Variants in CCDC88A observed in about 807,000 individuals in gnomAD.
CCDC88A encodes the protein girdin.
A neutral mutation model predicts 234.3 loss-of-function variants in CCDC88A; 54 were observed. That is an observed-to-expected ratio of 0.23 (90% CI 0.19 to 0.29). CCDC88A has a LOEUF of 0.29. Ranked by LOEUF, CCDC88A falls within the 10% of genes least tolerant of loss-of-function variation. The pLI is 1.00. For synonymous variants in CCDC88A, 753 were observed against 737.8 expected, an observed-to-expected ratio of 1.02 and a Z score of -0.33; for missense variants, 1,832 against 2,123.4, an observed-to-expected ratio of 0.86 and a Z score of 2.70.
Position 55,373,331 on chromosome 2 carries a change from CCTCT to C in CCDC88A, c.344-825_344-822del, listed in dbSNP as rs1324138053. 2.6e-5 allele frequency among the ~76,000 whole-genome samples: 4 copies of C among 152,190 alleles called. No individual in the cohort carries two copies. In the East Asian group the frequency reaches 5.8e-4, roughly 22 times the overall value. On this transcript the variant is annotated intron_variant, in intron 4 of 32. Coordinates refer to ENST00000436346, the MANE Select transcript of CCDC88A (RefSeq NM_001365480.1). Reference sequence around the variant, plus strand: ...CAACTCCTCTGCCTTAATACTACTCCCTCTGTCTGTCCTCCTTCCCCAACCTCCT... The same window carrying C: ...CAACTCCTCTGCCTTAATACTACTCCGTCTGTCCTCCTTCCCCAACCTCCT...
chr2:55,419,169 G>C lies in CCDC88A; in HGVS notation c.-90C>G, dbSNP rs1558865927. 1.3e-6 allele frequency: 1 copy of C among 795,526 alleles called. No homozygotes were observed. Among genetic ancestry groups the C allele is most frequent in the Non-Finnish European group, 2.1e-6 (1 of 471,968 alleles). The allele number at this position is 795,526 out of a possible 1,614,324, so 49.3% of individuals were successfully genotyped here. ...AACGTGGAAGTAAGTAGAAATCAAT[G>C]AAAGTCCATTTCGGCAAGGGAGAAA... On this transcript the variant is annotated 5_prime_UTR_variant, in exon 1 of 33. It introduces an in-frame stop codon into an upstream open reading frame of the 5' UTR. Coordinates refer to ENST00000436346, the MANE Select transcript of CCDC88A (RefSeq NM_001365480.1).
At chr2:55,396,666 C>G (rs983375530) in intron 2 of CCDC88A, among the ~76,000 whole-genome samples, 1 of 151,924 alleles carries the variant, frequency 6.6e-6, no homozygotes, top group African/African-American at 2.4e-5. Context: ...GTCTGGAGAT[C>G]GAGACCATCC....
Position 55,312,062 on chromosome 2 carries a change from TC to T in CCDC88A, c.4079+371del, listed in dbSNP as rs1682415678. Among the ~76,000 whole-genome samples the T allele has an allele frequency of 2.0e-5, 3 of 152,180 alleles. No individual in the cohort carries two copies. The South Asian group carries it at 6.2e-4, about 32-fold the overall frequency. On this transcript the variant is annotated intron_variant, in intron 23 of 32. Transcript: ENST00000436346. Reference sequence around the variant, plus strand: ...GGCTGGCATGCCTCCTCAAGCAAATTCCTATCGAACCTATAAATCTCCACTC... The same window carrying T: ...GGCTGGCATGCCTCCTCAAGCAAATTCTATCGAACCTATAAATCTCCACTC...
chr2:55,393,302 T>TTTTG (rs1676988729), intron 2 of CCDC88A, among the ~76,000 whole-genome samples: 1 of 134,544 alleles, frequency 7.4e-6, no homozygotes, highest in Non-Finnish European at 1.6e-5. Flanking sequence ...TTTTTTTTTT[T>TTTTG]TTTTTTTTTT....
intron 7 of CCDC88A, 72 bp downstream of exon 7, chr2:55,362,236 A>C (rs1015336167): frequency 5.8e-6 from 7 of 1,197,092 alleles, no homozygotes; most frequent in Non-Finnish European, 8.1e-6. Context: ...TCGTTTCTGA[A>C]AAGTTCCTAA....
At chr2:55,325,685 C>A (rs1247535709) in intron 17 of CCDC88A, among the ~76,000 whole-genome samples, 1 of 152,168 alleles carries the variant, frequency 6.6e-6, no homozygotes, top group Non-Finnish European at 1.5e-5. Context: ...TCTACTTATT[C>A]TCCAATTATT....
At chr2:55,295,006 A>C (rs924474802) in intron 31 of CCDC88A, 1 of 1,204,842 alleles carries the variant, frequency 8.3e-7, no homozygotes, top group Non-Finnish European at 1.1e-6. Flanking sequence ...TTTTCAAATC[A>C]TATTAGAGAA....
At chr2:55,318,164 A>C (rs987899132) in intron 19 of CCDC88A, among the ~76,000 whole-genome samples, 4 of 152,170 alleles carry the variant, frequency 2.6e-5, no homozygotes, top group African/African-American at 9.7e-5. Context: ...TAGAATTTGA[A>C]GTACTAGTTT....
chr2:55,312,263 G>T (rs778266064), intron 23 of CCDC88A, among the ~76,000 whole-genome samples, 171 bp downstream of exon 23: 1 of 152,120 alleles, frequency 6.6e-6, no homozygotes, highest in East Asian at 1.9e-4. Context: ...CAAGATGCAT[G>T]TGTTTTCATG....
intron 17 of CCDC88A, among the ~76,000 whole-genome samples, chr2:55,326,595 C>T (rs1045168681): frequency 6.6e-6 from 1 of 152,170 alleles, no homozygotes; most frequent in African/African-American, 2.4e-5. Flanking sequence ...CAGGGTCTCA[C>T]TCTGTCACCC....
At chr2:55,361,327 C>T (rs1382025142) in intron 7 of CCDC88A, among the ~76,000 whole-genome samples, 1 of 152,062 alleles carries the variant, frequency 6.6e-6, no homozygotes, top group African/African-American at 2.4e-5. Flanking sequence ...AAATTTGATG[C>T]ATAGTAGGAA....
At chr2:55,377,273 T>A (rs1235150945) in intron 3 of CCDC88A, among the ~76,000 whole-genome samples, 1 of 146,478 alleles carries the variant, frequency 6.8e-6, no homozygotes, top group African/African-American at 2.5e-5. Flanking sequence ...TCACAGCTCA[T>A]TGCAGCCTCG....
At chr2:55,382,028 T>C (rs187303083) in intron 3 of CCDC88A, among the ~76,000 whole-genome samples, 39 of 152,340 alleles carry the variant, frequency 2.6e-4, no homozygotes, top group African/African-American at 7.7e-4. Flanking sequence ...TATTTTATCA[T>C]ATTTTAGTAG....
chr2:55,411,639 C>T (rs1188794304), intron 2 of CCDC88A, among the ~76,000 whole-genome samples: 1 of 151,836 alleles, frequency 6.6e-6, no homozygotes, highest in Non-Finnish European at 1.5e-5. Flanking sequence ...CTTCACCAGG[C>T]ACGGTGGTGG....
At chr2:55,330,473 C>CA (rs1039031931) in intron 16 of CCDC88A, among the ~76,000 whole-genome samples, 164 of 144,584 alleles carry the variant, frequency 1.1e-3, no homozygotes, top group Non-Finnish European at 2.2e-3. Flanking sequence ...AACTCCGACT[C>CA]AAAAAAAAGA....
At chr2:55,397,906 T>C (rs1472994062) in intron 2 of CCDC88A, among the ~76,000 whole-genome samples, 1 of 152,098 alleles carries the variant, frequency 6.6e-6, no homozygotes, top group Non-Finnish European at 1.5e-5. Flanking sequence ...TTTTTTAGAC[T>C]TTGCAAAAGA....
At chr2:55,413,855 G>A (rs1680913353) in intron 2 of CCDC88A, among the ~76,000 whole-genome samples, 1 of 152,094 alleles carries the variant, frequency 6.6e-6, no homozygotes, top group Non-Finnish European at 1.5e-5. Context: ...GGGAGGCTAA[G>A]GTGGGAGGAT....
rs1212815605 is a variant in CCDC88A, at chr2:55,343,662, C to T, written c.1319G>A (p.Ser440Asn). The change falls in exon 12 of 33, where the codon AGT (serine) becomes AAT (asparagine). Residue 440 changes from serine to asparagine, a missense_variant. Physicochemically the swap from Ser to Asn is conservative, Grantham distance 46. Around this residue, in one of 6 missense-constraint regions of CCDC88A, gnomAD observed 1,282 missense variants for 1,543.6 expected, o/e 0.83. Coordinates refer to ENST00000436346, the MANE Select transcript of CCDC88A (RefSeq NM_001365480.1). ...ATTGGGAATACCTTCGGAAAGTTCA[C>T]TAGTTCTGGATATCTGTTCCAGTTC... The part of the protein sequence containing the change: ...GWELEQISRT[S>N]ELSEAPQKSL... 1.9e-6 allele frequency: 3 copies of T among 1,601,888 alleles called. No individual in the cohort carries two copies. In the Admixed American group the frequency reaches 5.2e-5, roughly 28 times the overall value.
Position 55,388,893 on chromosome 2 carries a change from G to A in CCDC88A, c.165-7C>T. 1 of 1,046,454 alleles carries A rather than the reference G, an allele frequency of 9.6e-7. No individual in the cohort carries two copies. The highest frequency in any genetic ancestry group is 2.7e-5 in the East Asian group (1 of 37,586). The allele number at this position is 1,046,454 out of a possible 1,614,324, so 64.8% of individuals were successfully genotyped here. On this transcript the variant is annotated splice_region_variant and splice_polypyrimidine_tract_variant and intron_variant, in intron 2 of 32. Coordinates refer to ENST00000436346, the MANE Select transcript of CCDC88A (RefSeq NM_001365480.1). ...ACTCTCCAATTTAGGATTACTGTAA[G>A]AAATACAAAAATACTTTAAAATTAC...
Sources: gnomAD v4.1 joint callset for allele counts (sites outside exome capture counted in the v4.1 genomes callset) on GRCh38, gnomAD v4.1.1 for gene constraint, gnomAD v4.1.1 regional missense constraint, MANE v1.5 for transcripts, NCBI Gene and HGNC (gene_info 2026-07-23, HGNC 2026-07-21) for gene names.